Variants in NIPAL2 observed in about 807,000 individuals in gnomAD.
The protein encoded by NIPAL2 is NIPA-like protein 2.
NIPAL2 carries 43 observed loss-of-function variants against 48.9 expected under a neutral mutation model. That is an observed-to-expected ratio of 0.88 (90% CI 0.69 to 1.13). NIPAL2 has a LOEUF of 1.13. Ranked by LOEUF, NIPAL2 falls within the 50% of genes most tolerant of loss-of-function variation. NIPAL2 has a pLI of 0.00. For missense variants in NIPAL2, 446 were observed against 461.4 expected (o/e 0.97, Z 0.31); for synonymous variants, 167 against 174.6 (o/e 0.96, Z 0.34).
chr8:98,206,404 C>T (rs1811041247), intron 6 of NIPAL2, among the ~76,000 whole-genome samples: 1 of 151,814 alleles, frequency 6.6e-6, no homozygotes, highest in Non-Finnish European at 1.5e-5. Flanking sequence ...GAAAAGCCTC[C>T]CATAATATCG....
chr8:98,223,462 A>G (rs1812003918), intron 4 of NIPAL2, among the ~76,000 whole-genome samples: 1 of 152,224 alleles, frequency 6.6e-6, no homozygotes, highest in South Asian at 2.1e-4. Flanking sequence ...CCGTGGTATA[A>G]GTAGCATATT....
At chr8:98,266,686 G>A (rs1707315025) in intron 1 of NIPAL2, among the ~76,000 whole-genome samples, 1 of 151,718 alleles carries the variant, frequency 6.6e-6, no homozygotes, top group Non-Finnish European at 1.5e-5. Flanking sequence ...GAATTCACTT[G>A]AAAATTCTGA....
chr8:98,274,761 T>G (rs1056754386), intron 1 of NIPAL2, among the ~76,000 whole-genome samples: 1 of 152,112 alleles, frequency 6.6e-6, no homozygotes, highest in Non-Finnish European at 1.5e-5. Context: ...TTTACACTTA[T>G]TGTGATTGTC....
At chr8:98,285,411 A>G (rs1043572615) in intron 1 of NIPAL2, among the ~76,000 whole-genome samples, 3 of 152,176 alleles carry the variant, frequency 2.0e-5, no homozygotes, top group Non-Finnish European at 4.4e-5. Context: ...GGCGACTGGT[A>G]TGAGACAGGA....
chr8:98,244,526 GGGGTGGGCTGTGATGATGAGA>G (rs1563518084), intron 3 of NIPAL2, among the ~76,000 whole-genome samples: 1 of 130,942 alleles, frequency 7.6e-6, no homozygotes, highest in Admixed American at 7.6e-5. Context: ...TGTGATAAGG[GGGGTGGGCTGTGATGATGAGA>G]GGGTGGGCTG....
chr8:98,282,732 T>A (rs1260064049), intron 1 of NIPAL2, among the ~76,000 whole-genome samples: 2 of 152,150 alleles, frequency 1.3e-5, no homozygotes, highest in East Asian at 3.9e-4. Context: ...TTGGAGACAA[T>A]CTGAACTACG....
chr8:98,270,165 T>C (rs150182697), intron 1 of NIPAL2, among the ~76,000 whole-genome samples: 3,480 of 152,316 alleles, frequency 0.023, 61 homozygotes, highest in Middle Eastern at 0.037. Flanking sequence ...TGCATCTTTT[T>C]GGTAGAACAA....
chr8:98,221,449 T>C (rs887708317), intron 5 of NIPAL2, among the ~76,000 whole-genome samples: 1 of 151,300 alleles, frequency 6.6e-6, no homozygotes, highest in Non-Finnish European at 1.5e-5. Flanking sequence ...AAGAGAAAAA[T>C]ATACAAGTTT....
intron 5 of NIPAL2, among the ~76,000 whole-genome samples, chr8:98,213,413 G>A (rs1479929670): frequency 6.6e-6 from 1 of 152,048 alleles, no homozygotes; most frequent in Non-Finnish European, 1.5e-5. Flanking sequence ...CCAGGATGAT[G>A]CATGTAGTAA....
chr8:98,203,133 G>A lies in NIPAL2; in HGVS notation c.855C>T (p.Phe285=), dbSNP rs1586298358. The change falls in exon 8 of 11, where the codon TTC becomes TTT. Residue 285 remains phenylalanine, a synonymous_variant. Transcript: ENST00000430223. ...CTGCAATGATGGCACTGATTGTAAA[G>A]AAAATATGATTAACTGGCACCACTG... is the stretch of plus-strand genomic sequence containing the variant. The part of the protein sequence containing the change: ...TTTVVPVNHI[F]FTISAIIAGI... 2 of 1,614,084 alleles carry A rather than the reference G, an allele frequency of 1.2e-6. No individual in the cohort carries two copies. The highest frequency in any genetic ancestry group is 4.5e-5 in the East Asian group (2 of 44,874).
chr8:98,279,559 C>T (rs1260349296), intron 1 of NIPAL2, among the ~76,000 whole-genome samples: 1 of 152,132 alleles, frequency 6.6e-6, no homozygotes, highest in Non-Finnish European at 1.5e-5. Context: ...GAGAACAGAG[C>T]CAGAGAAGGA....
At chr8:98,253,377 T>C (rs1015288686) in intron 2 of NIPAL2, among the ~76,000 whole-genome samples, 1 of 152,152 alleles carries the variant, frequency 6.6e-6, no homozygotes, top group Non-Finnish European at 1.5e-5. Context: ...ATTCAAATCG[T>C]TTTAAAGACT....
intron 1 of NIPAL2, among the ~76,000 whole-genome samples, chr8:98,263,481 T>C (rs1486094371): frequency 6.7e-6 from 1 of 150,366 alleles, no homozygotes; most frequent in Non-Finnish European, 1.5e-5. Context: ...CAAACTACCA[T>C]CAGAGAATAC....
At chr8:98,209,171 A>T (rs550201903) in intron 6 of NIPAL2, among the ~76,000 whole-genome samples, 1 of 152,306 alleles carries the variant, frequency 6.6e-6, no homozygotes, top group African/African-American at 2.4e-5. Flanking sequence ...TACTGTGCTC[A>T]ATTCTACTTA....
rs533010655 is a variant in NIPAL2 at position 98,226,329 on chromosome 8, C to G, written c.437-3729G>C. Among the ~76,000 whole-genome samples the G allele has an allele frequency of 5.5e-3, 840 of 152,194 alleles. 5 individuals carry two copies. The highest frequency in any genetic ancestry group is 0.018 in the African/African-American group (768 of 41,542). On this transcript the variant is annotated intron_variant, in intron 4 of 10. Coordinates refer to ENST00000430223, the MANE Select transcript of NIPAL2 (RefSeq NM_001321635.2). ...AGTTAGATATTTATTGTAGTCTTTG[C>G]AGTCAGGGCTTGTTTGTACCCATCC...
intron 1 of NIPAL2, among the ~76,000 whole-genome samples, chr8:98,270,462 G>T (rs762356807): frequency 1.3e-5 from 2 of 151,974 alleles, no homozygotes; most frequent in Non-Finnish European, 2.9e-5. Flanking sequence ...TTCCGTGTTT[G>T]TTAGCCACTT....
At chr8:98,213,126 G>C (rs112934260) in intron 5 of NIPAL2, among the ~76,000 whole-genome samples, 2,030 of 152,246 alleles carry the variant, frequency 0.013, 50 homozygotes, top group African/African-American at 0.044. Context: ...CACTCACAGA[G>C]TCTCTACCCA....
intron 8 of NIPAL2, among the ~76,000 whole-genome samples, chr8:98,202,730 T>C (rs1378803033): frequency 6.6e-6 from 1 of 152,140 alleles, no homozygotes; most frequent in Non-Finnish European, 1.5e-5. Context: ...AATTACTCCG[T>C]CTCAGGTATT....
At chr8:98,252,310 G>C in intron 3 of NIPAL2, 153 bp downstream of exon 3, 1 of 711,142 alleles carries the variant, frequency 1.4e-6, no homozygotes, top group Non-Finnish European at 2.1e-6. Flanking sequence ...ACAATGGATC[G>C]CTGAAATTAG....
Sources: gnomAD v4.1 joint callset for allele counts (sites outside exome capture counted in the v4.1 genomes callset) on GRCh38, gnomAD v4.1.1 for gene constraint, MANE v1.5 for transcripts, NCBI Gene and HGNC (gene_info 2026-07-23, HGNC 2026-07-21) for gene names.